OTUD7A: variants seen among roughly 807,000 people sequenced by gnomAD.
OTUD7A encodes OTU domain-containing protein 7A.
A neutral mutation model predicts 65.7 loss-of-function variants in OTUD7A; 12 were observed. The observed-to-expected ratio is 0.18, with a 90% CI of 0.12 to 0.30. The LOEUF (loss-of-function observed/expected upper bound fraction) is 0.30. OTUD7A is among the 10% of genes least tolerant of loss of function. The probability of loss-of-function intolerance (pLI) is 1.00; values close to 1 mark genes in which losing one functional copy is unlikely to be tolerated. For synonymous variants in OTUD7A, 641 were observed against 586.3 expected (o/e 1.09, Z -1.35); for missense variants, 1,148 against 1,304.8 (o/e 0.88, Z 1.85).
chr15:31,774,932 G>A (rs1000702669), intron 1 of OTUD7A, among the ~76,000 whole-genome samples: 4 of 148,014 alleles, frequency 2.7e-5, no homozygotes, highest in East Asian at 2.0e-4. Flanking sequence ...AGGCAAGGAC[G>A]ACCCAATGCC....
At chr15:31,821,353 C>T (rs7162954) in intron 1 of OTUD7A, among the ~76,000 whole-genome samples, 83,523 of 144,168 alleles carry the variant, frequency 0.58, 24,654 homozygotes, top group East Asian at 0.69. Context: ...ACCATGTTGG[C>T]CATGATGGTC....
At chr15:31,823,344 G>A (rs867058995) in intron 1 of OTUD7A, among the ~76,000 whole-genome samples, 9 of 152,206 alleles carry the variant, frequency 5.9e-5, no homozygotes, top group Admixed American at 2.6e-4. Context: ...GTGGCCTTAA[G>A]AGGGAGCATT....
At chr15:31,836,801 T>C (rs1167957508) in intron 1 of OTUD7A, among the ~76,000 whole-genome samples, 1 of 152,194 alleles carries the variant, frequency 6.6e-6, no homozygotes, top group African/African-American at 2.4e-5. Context: ...CATATGTGCA[T>C]GATATAAAAA....
At chr15:31,667,748 G>A (rs1038619772) in intron 1 of OTUD7A, among the ~76,000 whole-genome samples, 5 of 151,982 alleles carry the variant, frequency 3.3e-5, no homozygotes, top group Admixed American at 2.6e-4. Context: ...TATAGGTCCC[G>A]TGTGATTTAT....
chr15:31,578,575 A>T (rs1263194780), intron 3 of OTUD7A, among the ~76,000 whole-genome samples: 1 of 150,332 alleles, frequency 6.7e-6, no homozygotes, highest in Non-Finnish European at 1.5e-5. Context: ...TTTTTGAGAC[A>T]GAGTCTCACT....
At chr15:31,664,539 G>C (rs1217506981) in intron 1 of OTUD7A, among the ~76,000 whole-genome samples, 1 of 151,212 alleles carries the variant, frequency 6.6e-6, no homozygotes, top group African/African-American at 2.4e-5. Context: ...TTGAGTTTGT[G>C]GTAGATTCTG....
At chr15:31,551,991 C>T (rs1888339767) in intron 5 of OTUD7A, among the ~76,000 whole-genome samples, 1 of 152,132 alleles carries the variant, frequency 6.6e-6, no homozygotes, top group African/African-American at 2.4e-5. Flanking sequence ...TTGAGGGGGG[C>T]CTGGTGGGAG....
chr15:31,831,355 C>A (rs1433318971), intron 1 of OTUD7A, among the ~76,000 whole-genome samples: 1 of 152,120 alleles, frequency 6.6e-6, no homozygotes, highest in Non-Finnish European at 1.5e-5. Flanking sequence ...TCAACAAGTA[C>A]AACAAACCTA....
At chr15:31,567,091 T>C (rs1888899965) in intron 4 of OTUD7A, among the ~76,000 whole-genome samples, 1 of 152,216 alleles carries the variant, frequency 6.6e-6, no homozygotes, top group South Asian at 2.1e-4. Flanking sequence ...GTTGGAAGTC[T>C]GGAGGATTCA....
At chr15:31,737,615 C>T (rs931429206) in intron 1 of OTUD7A, among the ~76,000 whole-genome samples, 2 of 152,034 alleles carry the variant, frequency 1.3e-5, no homozygotes, top group African/African-American at 4.8e-5. Flanking sequence ...CTCAGTGGTC[C>T]CATTTTTGGA....
At chr15:31,614,133 A>G (rs1190958233) in intron 3 of OTUD7A, among the ~76,000 whole-genome samples, 1 of 152,126 alleles carries the variant, frequency 6.6e-6, no homozygotes. Context: ...GATACAATGG[A>G]CTTGTGGACT....
intron 1 of OTUD7A, among the ~76,000 whole-genome samples, chr15:31,676,249 C>T (rs1253333956): frequency 6.6e-6 from 1 of 152,088 alleles, no homozygotes; most frequent in Admixed American, 6.5e-5. Flanking sequence ...CCCTTAACTT[C>T]CCATCCAATA....
intron 1 of OTUD7A, among the ~76,000 whole-genome samples, chr15:31,818,522 G>T (rs1389202759): frequency 1.3e-5 from 2 of 152,210 alleles, no homozygotes; most frequent in Non-Finnish European, 2.9e-5. Flanking sequence ...TTTGAGGGGT[G>T]AGACCATGGG....
Position 31,483,213 on chromosome 15 carries a change from G to C in OTUD7A, c.*81C>G, listed in dbSNP as rs1042983929. 1.9e-6 allele frequency: 2 copies of C among 1,036,108 alleles called. No homozygotes were observed. The highest frequency in any genetic ancestry group is 8.7e-5 in the East Asian group (1 of 11,498). 64.2% of individuals were successfully genotyped at this position (1,036,108 alleles called of 1,614,324 possible). A position where few individuals can be genotyped will look rare whatever the true frequency, so the allele number is the denominator to read the frequency against. ...GAGGCGCCGGCCTTCCGGTGGACCA[G>C]GGCATGTAAAAAAGACACCGACACA... On this transcript the variant is annotated 3_prime_UTR_variant, in exon 13 of 13. Transcript: ENST00000307050.
chr15:31,594,084 A>G (rs1889834498), intron 3 of OTUD7A, among the ~76,000 whole-genome samples: 1 of 152,224 alleles, frequency 6.6e-6, no homozygotes, highest in East Asian at 1.9e-4. Flanking sequence ...AAGGAATTGA[A>G]ATACTGATTT....
At chr15:31,496,010 G>A (rs1197901314) in intron 10 of OTUD7A, among the ~76,000 whole-genome samples, 2 of 147,426 alleles carry the variant, frequency 1.4e-5, no homozygotes, top group Admixed American at 6.9e-5. Flanking sequence ...AGGTTGCAAT[G>A]AGCCAAGATC....
intron 1 of OTUD7A, among the ~76,000 whole-genome samples, chr15:31,700,602 T>G (rs1271059654): frequency 6.6e-6 from 1 of 152,218 alleles, no homozygotes; most frequent in Non-Finnish European, 1.5e-5. Context: ...TTCTCCCCAA[T>G]TCGGGCAATC....
chr15:31,510,056 T>A (rs1420946441), intron 8 of OTUD7A, among the ~76,000 whole-genome samples: 1 of 151,828 alleles, frequency 6.6e-6, no homozygotes, highest in African/African-American at 2.4e-5. Context: ...CCCGCCTGCA[T>A]GTATGCGCTG....
At chr15:31,598,314 T>C (rs967614145) in intron 3 of OTUD7A, among the ~76,000 whole-genome samples, 1 of 152,138 alleles carries the variant, frequency 6.6e-6, no homozygotes, top group Non-Finnish European at 1.5e-5. Flanking sequence ...GTTCATCTCA[T>C]TGGGACTGGT....
Sources: gnomAD v4.1 joint callset for allele counts (sites outside exome capture counted in the v4.1 genomes callset) on GRCh38, gnomAD v4.1.1 for gene constraint, MANE v1.5 for transcripts, NCBI Gene and HGNC (gene_info 2026-07-23, HGNC 2026-07-21) for gene names.